CACNA2D3: variants seen among roughly 807,000 people sequenced by gnomAD.
CACNA2D3 encodes voltage-dependent calcium channel subunit alpha-2/delta-3.
In CACNA2D3, 60 loss-of-function variants were observed where a neutral mutation model predicts 160.6. That is an observed-to-expected ratio of 0.37 (90% CI 0.30 to 0.46). The LOEUF is 0.46. CACNA2D3 is among the 20% of genes least tolerant of loss of function. The pLI is 1.00. For synonymous variants in CACNA2D3, 558 were observed against 492.9 expected, an observed-to-expected ratio of 1.13 and a Z score of -1.75; for missense variants, 1,205 against 1,365.0, an observed-to-expected ratio of 0.88 and a Z score of 1.85.
At chr3:54,187,867 C>T (rs1700904095) in intron 2 of CACNA2D3, among the ~76,000 whole-genome samples, 1 of 152,148 alleles carries the variant, frequency 6.6e-6, no homozygotes, top group South Asian at 2.1e-4. Context: ...GGTGGTAATG[C>T]TCACTTGCCC....
chr3:54,285,380 G>A (rs1320416070), intron 2 of CACNA2D3, among the ~76,000 whole-genome samples: 1 of 152,202 alleles, frequency 6.6e-6, no homozygotes, highest in Non-Finnish European at 1.5e-5. Context: ...CGAGGCTGGG[G>A]GAGGGTCGCC....
intron 5 of CACNA2D3, among the ~76,000 whole-genome samples, chr3:54,526,787 T>C (rs139757990): frequency 0.024 from 3,712 of 152,256 alleles, 152 homozygotes; most frequent in African/African-American, 0.084. Context: ...ACCTCCTGGG[T>C]TCAAGTGATT....
intron 17 of CACNA2D3, among the ~76,000 whole-genome samples, chr3:54,850,388 G>C (rs1033791310): frequency 6.6e-6 from 1 of 152,160 alleles, no homozygotes; most frequent in Non-Finnish European, 1.5e-5. Context: ...TTGTTATGAT[G>C]CCCCTGGAAT....
intron 3 of CACNA2D3, among the ~76,000 whole-genome samples, chr3:54,368,764 C>A (rs139763007): frequency 7.6e-6 from 1 of 131,698 alleles, no homozygotes; most frequent in African/African-American, 2.8e-5. Flanking sequence ...TGTAGTGGCA[C>A]GATCTCGGCT....
At chr3:54,592,150 G>T (rs1702871720) in intron 9 of CACNA2D3, among the ~76,000 whole-genome samples, 1 of 152,176 alleles carries the variant, frequency 6.6e-6, no homozygotes. Flanking sequence ...TGAGAAGTCA[G>T]AAGTAGATCA....
At chr3:54,136,342 T>C (rs2107260848) in intron 2 of CACNA2D3, among the ~76,000 whole-genome samples, 1 of 152,368 alleles carries the variant, frequency 6.6e-6, no homozygotes, top group African/African-American at 2.4e-5. Context: ...TTTTCCTCAG[T>C]TGAGGTTCAG....
At chr3:54,311,283 C>T (rs1426485381) in intron 2 of CACNA2D3, among the ~76,000 whole-genome samples, 1 of 152,108 alleles carries the variant, frequency 6.6e-6, no homozygotes, top group Non-Finnish European at 1.5e-5. Context: ...GAGACTGTCC[C>T]CTGTTTCTCT....
At chr3:54,306,938 A>G (rs1042426471) in intron 2 of CACNA2D3, among the ~76,000 whole-genome samples, 6 of 152,088 alleles carry the variant, frequency 3.9e-5, no homozygotes, top group African/African-American at 1.4e-4. Flanking sequence ...GCTTCTCATC[A>G]CAAACAGAAG....
chr3:54,323,726 A>C (rs906123181), intron 3 of CACNA2D3, among the ~76,000 whole-genome samples: 1 of 152,112 alleles, frequency 6.6e-6, no homozygotes, highest in African/African-American at 2.4e-5. Context: ...TTGGCCTCCC[A>C]AAGTGCTGGG....
intron 2 of CACNA2D3, chr3:54,273,184 G>A (rs1159708138): frequency 6.6e-6 from 1 of 152,290 alleles, no homozygotes; most frequent in Non-Finnish European, 1.5e-5. Context: ...GAAACTTGTT[G>A]GAGAATGTGT....
At chr3:54,292,152 A>G (rs1703223494) in intron 2 of CACNA2D3, among the ~76,000 whole-genome samples, 1 of 152,146 alleles carries the variant, frequency 6.6e-6, no homozygotes, top group Non-Finnish European at 1.5e-5. Context: ...ACCTCATACC[A>G]TACACAAAAA....
chr3:54,756,409 G>A (rs1393856848), intron 12 of CACNA2D3, among the ~76,000 whole-genome samples: 4 of 152,090 alleles, frequency 2.6e-5, no homozygotes, highest in South Asian at 2.1e-4. Flanking sequence ...ATGTAACATC[G>A]GTGAGCAAGT....
intron 5 of CACNA2D3, among the ~76,000 whole-genome samples, chr3:54,513,575 G>A (rs555326883): frequency 6.6e-6 from 1 of 151,922 alleles, no homozygotes; most frequent in South Asian, 2.1e-4. Flanking sequence ...CTAATACTTT[G>A]GCTTTAGAAC....
At chr3:54,207,163 A>C (rs1276435662) in intron 2 of CACNA2D3, among the ~76,000 whole-genome samples, 1 of 140,498 alleles carries the variant, frequency 7.1e-6, no homozygotes, top group Non-Finnish European at 1.5e-5. Context: ...CTCAGATAGA[A>C]TGGGCCTTCT....
At chr3:54,506,720 A>G (rs1345297361) in intron 5 of CACNA2D3, among the ~76,000 whole-genome samples, 2 of 152,114 alleles carry the variant, frequency 1.3e-5, no homozygotes, top group Admixed American at 1.3e-4. Context: ...TTTTTCATGA[A>G]ACTCCTTCAG....
chr3:54,979,251 T>A (rs1702456303), intron 29 of CACNA2D3, among the ~76,000 whole-genome samples: 1 of 152,058 alleles, frequency 6.6e-6, no homozygotes, highest in Non-Finnish European at 1.5e-5. Flanking sequence ...AGACAAGGTA[T>A]GAGGCTAGTT....
Position 54,346,567 on chromosome 3 carries a change from T to TA in CACNA2D3, c.321+26011dup, listed in dbSNP as rs1385773064. On this transcript the variant is annotated intron_variant, in intron 3 of 37. Coordinates refer to ENST00000474759, the MANE Select transcript of CACNA2D3 (RefSeq NM_018398.3). ...AACAGGTTTAGGTTTACAGAAAAAT[T>TA]AAGCAGAAAGTACAGAGAACCCCCA... Among the ~76,000 whole-genome samples, 6 of 152,200 alleles carry TA rather than the reference T, an allele frequency of 3.9e-5. No homozygotes were observed. The East Asian group carries it at 1.2e-3, about 29-fold the overall frequency.
chr3:54,123,470 G>A (rs530109772), intron 1 of CACNA2D3, 43 bp from the exon 2 acceptor site: 4 of 1,391,870 alleles, frequency 2.9e-6, no homozygotes, highest in East Asian at 2.3e-5. Context: ...TGTTGACTGT[G>A]ACACGGGTGT....
At chr3:54,969,964 C>CT (rs1045241404) in intron 29 of CACNA2D3, 120 bp downstream of exon 29, 22 of 576,592 alleles carry the variant, frequency 3.8e-5, no homozygotes, top group Non-Finnish European at 5.6e-5. Context: ...CTGGGCCAAT[C>CT]TAAAAAAAAA....
Sources: gnomAD v4.1 joint callset for allele counts (sites outside exome capture counted in the v4.1 genomes callset) on GRCh38, gnomAD v4.1.1 for gene constraint, MANE v1.5 for transcripts, NCBI Gene and HGNC (gene_info 2026-07-23, HGNC 2026-07-21) for gene names.